The following XXYLT1 variants were observed in gnomAD, a reference collection of about 807,000 sequenced individuals.
The protein encoded by XXYLT1 is UDP-xylose:alpha-xyloside alpha-1,3-xylosyltransferase.
XXYLT1 carries 20 observed loss-of-function variants against 28.9 expected under a neutral mutation model. The observed-to-expected ratio is 0.69, with a 90% confidence interval of 0.49 to 1.00. The LOEUF (loss-of-function observed/expected upper bound fraction) is 1.00. XXYLT1 is among the 50% of genes least tolerant of loss of function. XXYLT1 has a pLI of 0.00. For synonymous variants in XXYLT1, 257 were observed against 253.8 expected (o/e 1.01, Z -0.12); for missense variants, 542 against 560.1 (o/e 0.97, Z 0.33).
chr3:195,075,502 G>A (rs1191131683), intron 3 of XXYLT1, among the ~76,000 whole-genome samples: 2 of 152,206 alleles, frequency 1.3e-5, no homozygotes, highest in African/African-American at 2.4e-5. Context: ...CCAGAAAAGG[G>A]AACTGCTGCC....
intron 2 of XXYLT1, among the ~76,000 whole-genome samples, chr3:195,191,803 CAAG>C (rs1722433060): frequency 1.3e-5 from 2 of 152,270 alleles, no homozygotes; most frequent in South Asian, 4.1e-4. Context: ...GCCAATACAT[CAAG>C]AAGATTTAAG....
chr3:195,253,829 C>G (rs1192371531), intron 1 of XXYLT1, among the ~76,000 whole-genome samples: 2 of 152,212 alleles, frequency 1.3e-5, no homozygotes, highest in Non-Finnish European at 2.9e-5. Context: ...GCGAAAGCCA[C>G]TCAGTCACTC....
chr3:195,144,899 A>G (rs1046048787), intron 3 of XXYLT1, among the ~76,000 whole-genome samples: 3 of 152,202 alleles, frequency 2.0e-5, no homozygotes, highest in African/African-American at 7.2e-5. Flanking sequence ...GCAGGAAGGT[A>G]CCGGCAGAAG....
chr3:195,082,740 T>A (rs1339538313), intron 3 of XXYLT1, among the ~76,000 whole-genome samples: 1 of 151,638 alleles, frequency 6.6e-6, no homozygotes, highest in African/African-American at 2.4e-5. Flanking sequence ...TCCCAGCTAC[T>A]CGGGAGGCTG....
At chr3:195,107,030 A>C (rs887990663) in intron 3 of XXYLT1, among the ~76,000 whole-genome samples, 4 of 152,232 alleles carry the variant, frequency 2.6e-5, no homozygotes, top group African/African-American at 4.8e-5. Flanking sequence ...CAATGGGATT[A>C]GAAAATAAAA....
At chr3:195,103,052 A>T (rs1716877562) in intron 3 of XXYLT1, among the ~76,000 whole-genome samples, 1 of 152,190 alleles carries the variant, frequency 6.6e-6, no homozygotes, top group African/African-American at 2.4e-5. Flanking sequence ...TGATTTTGCC[A>T]GATTTTTATA....
chr3:195,172,159 C>T (rs533743707), intron 2 of XXYLT1, among the ~76,000 whole-genome samples: 1 of 152,206 alleles, frequency 6.6e-6, no homozygotes, highest in African/African-American at 2.4e-5. Context: ...AAAAGCACTT[C>T]TAGCCCAGGC....
intron 3 of XXYLT1, among the ~76,000 whole-genome samples, chr3:195,112,473 C>CAT (rs201575239): frequency 0.015 from 2,194 of 148,444 alleles, 47 homozygotes; most frequent in African/African-American, 0.05. Context: ...CACCCACACA[C>CAT]ATGCACACAC....
chr3:195,183,855 C>T (rs9825199), intron 2 of XXYLT1, among the ~76,000 whole-genome samples: 27,576 of 152,058 alleles, frequency 0.18, 4,785 homozygotes, highest in African/African-American at 0.46. Flanking sequence ...AGTGTGAAGG[C>T]TGAATGGTCA....
In XXYLT1 at chr3:195,270,556, T is replaced by G; in HGVS notation, c.503A>C (p.Lys168Thr). ...LLPPAAGFKC[K>T]VIFHDVAVLT... Reference sequence around the variant, plus strand: ...AGCCCCCAGCCGCGGCCCGCTCACCTTGCACTTGAAGCCAGCGGCGGGCGG... The same window carrying G: ...AGCCCCCAGCCGCGGCCCGCTCACCGTGCACTTGAAGCCAGCGGCGGGCGG... The change falls in exon 1 of 4, where the codon AAG (lysine) becomes ACG (threonine). Residue 168 changes from lysine (K) to threonine (T), a missense_variant and splice_region_variant. By Grantham distance (78) the Lys-to-Thr change is moderately conservative. Transcript: ENST00000310380. The G allele has an allele frequency of 1.4e-6, 2 of 1,392,826 alleles. No individual in the cohort carries two copies. Among genetic ancestry groups the G allele is most frequent in the Non-Finnish European group, 1.9e-6 (2 of 1,076,538 alleles). 86.3% of individuals were successfully genotyped at this position (1,392,826 alleles called of 1,614,324 possible).
At chr3:195,213,864 C>T (rs1577155239) in intron 2 of XXYLT1, among the ~76,000 whole-genome samples, 2 of 152,222 alleles carry the variant, frequency 1.3e-5, no homozygotes, top group East Asian at 3.9e-4. Flanking sequence ...TCCCATTTTA[C>T]AGACAAAGAA....
At chr3:195,079,078 C>T (rs1715283806) in intron 3 of XXYLT1, among the ~76,000 whole-genome samples, 1 of 152,196 alleles carries the variant, frequency 6.6e-6, no homozygotes, top group African/African-American at 2.4e-5. Flanking sequence ...AGATGGTCAG[C>T]CTCAATTTGC....
At chr3:195,156,680 G>T in intron 2 of XXYLT1, 99 bp from the exon 3 acceptor site, 3 of 1,456,402 alleles carry the variant, frequency 2.1e-6, no homozygotes, top group South Asian at 2.6e-5. Flanking sequence ...AAGGGCACTG[G>T]ACTCTTACTG....
intron 3 of XXYLT1, among the ~76,000 whole-genome samples, chr3:195,108,670 G>A (rs992194828): frequency 6.6e-6 from 1 of 152,212 alleles, no homozygotes; most frequent in Non-Finnish European, 1.5e-5. Flanking sequence ...AACCTGCATG[G>A]CATGTTACTA....
At chr3:195,131,468 G>C (rs941438027) in intron 3 of XXYLT1, among the ~76,000 whole-genome samples, 1 of 152,260 alleles carries the variant, frequency 6.6e-6, no homozygotes, top group Non-Finnish European at 1.5e-5. Context: ...TGCAACTGCA[G>C]CAAAGTGCAC....
intron 3 of XXYLT1, among the ~76,000 whole-genome samples, chr3:195,140,382 G>A (rs1719420877): frequency 6.6e-6 from 1 of 152,176 alleles, no homozygotes; most frequent in African/African-American, 2.4e-5. Context: ...CAGAGGATGT[G>A]GGAGGCACCC....
intron 3 of XXYLT1, among the ~76,000 whole-genome samples, chr3:195,135,691 G>A (rs997435633): frequency 1.3e-5 from 2 of 152,138 alleles, no homozygotes; most frequent in South Asian, 2.1e-4. Flanking sequence ...GGGCAGACAC[G>A]GAAACTCAGA....
chr3:195,106,360 T>TTGTTGTGTTTTTGA (rs1560097406), intron 3 of XXYLT1, among the ~76,000 whole-genome samples: 18 of 152,136 alleles, frequency 1.2e-4, no homozygotes, highest in African/African-American at 3.9e-4. Context: ...AGAGATGCTC[T>TTGTTGTGTTTTTGA]TGCTCCGCAC....
chr3:195,153,168 C>T (rs770652712), intron 3 of XXYLT1, among the ~76,000 whole-genome samples: 2 of 152,248 alleles, frequency 1.3e-5, no homozygotes, highest in Non-Finnish European at 2.9e-5. Flanking sequence ...TCAGCCTCCC[C>T]ACCCTAGCCC....
Sources: gnomAD v4.1 joint callset for allele counts (sites outside exome capture counted in the v4.1 genomes callset) on GRCh38, gnomAD v4.1.1 for gene constraint, MANE v1.5 for transcripts, NCBI Gene and HGNC (gene_info 2026-07-23, HGNC 2026-07-21) for gene names.